The following FHIT variants were observed in gnomAD, a reference collection of about 807,000 sequenced individuals.
The protein encoded by FHIT is bis(5'-adenosyl)-triphosphatase.
A neutral mutation model predicts 17.9 loss-of-function variants in FHIT; 19 were observed. The observed-to-expected ratio is 1.06, with a 90% CI of 0.74 to 1.56. The LOEUF is 1.56. Among genes scored for constraint, FHIT ranks in the 40% most tolerant of loss-of-function variants. The probability of loss-of-function intolerance (pLI) is 0.00; values close to 1 mark genes in which losing one functional copy is unlikely to be tolerated. For synonymous variants in FHIT, 81 were observed against 69.7 expected (o/e 1.16, Z -0.81); for missense variants, 248 against 189.2 (o/e 1.31, Z -1.82).
chr3:60,047,329 CTG>C (rs1187695689), intron 5 of FHIT, among the ~76,000 whole-genome samples: 1 of 152,200 alleles, frequency 6.6e-6, no homozygotes, highest in Non-Finnish European at 1.5e-5. Flanking sequence ...TTTCTTGTGC[CTG>C]TAACTGCTGA....
At chr3:60,444,151 C>G (rs2031144848) in intron 5 of FHIT, among the ~76,000 whole-genome samples, 1 of 152,144 alleles carries the variant, frequency 6.6e-6, no homozygotes, top group African/African-American at 2.4e-5. Context: ...GAGATACCAT[C>G]TCACACCAGT....
intron 8 of FHIT, among the ~76,000 whole-genome samples, chr3:59,866,947 T>C (rs1441137672): frequency 6.6e-6 from 1 of 151,798 alleles, no homozygotes; most frequent in African/African-American, 2.4e-5. Context: ...TGATTACCTA[T>C]TCTCATACAA....
At chr3:60,602,968 G>A (rs2038494122) in intron 4 of FHIT, among the ~76,000 whole-genome samples, 1 of 152,080 alleles carries the variant, frequency 6.6e-6, no homozygotes, top group African/African-American at 2.4e-5. Flanking sequence ...CTCTATAACT[G>A]CAAGAAATAT....
chr3:60,576,949 T>TACAC (rs57891077), intron 4 of FHIT, among the ~76,000 whole-genome samples: 74,613 of 146,606 alleles, frequency 0.51, 20,583 homozygotes, highest in Middle Eastern at 0.64. Context: ...TCCATTTGCA[T>TACAC]ACACACACAC....
chr3:60,926,313 ACT>A (rs529891437), intron 3 of FHIT, among the ~76,000 whole-genome samples: 255 of 152,258 alleles, frequency 1.7e-3, no homozygotes, highest in African/African-American at 5.9e-3. Context: ...GAAGTAAAGC[ACT>A]CCTCAGCAAA....
chr3:60,099,762 G>A (rs1220348306), intron 5 of FHIT, among the ~76,000 whole-genome samples: 1 of 152,108 alleles, frequency 6.6e-6, no homozygotes, highest in Admixed American at 6.5e-5. Context: ...AGTATTAAAT[G>A]CATTTTAACT....
chr3:59,919,220 C>T (rs940415305), intron 8 of FHIT, among the ~76,000 whole-genome samples: 1 of 152,170 alleles, frequency 6.6e-6, no homozygotes, highest in Non-Finnish European at 1.5e-5. Context: ...TAGATATCCT[C>T]TTGAAGAATT....
chr3:60,543,074 T>G (rs1249436696), intron 4 of FHIT, among the ~76,000 whole-genome samples: 2 of 152,182 alleles, frequency 1.3e-5, no homozygotes, highest in Non-Finnish European at 2.9e-5. Flanking sequence ...CCAGACGCTG[T>G]AGAACAAAGG....
chr3:60,305,512 T>A (rs187010567), intron 5 of FHIT, among the ~76,000 whole-genome samples: 1,854 of 152,272 alleles, frequency 0.012, 37 homozygotes, highest in African/African-American at 0.041. Flanking sequence ...TCTCGGCTGT[T>A]GATTCAACCC....
intron 3 of FHIT, among the ~76,000 whole-genome samples, chr3:60,954,879 C>T (rs1188708536): frequency 2.0e-5 from 3 of 152,204 alleles, no homozygotes; most frequent in Non-Finnish European, 4.4e-5. Context: ...AGAGCCCTCA[C>T]TTGGCTCAAA....
At chr3:60,330,417 C>T (rs562015048) in intron 5 of FHIT, among the ~76,000 whole-genome samples, 31 of 152,194 alleles carry the variant, frequency 2.0e-4, no homozygotes, top group Non-Finnish European at 2.8e-4. Flanking sequence ...TTACTGCCAC[C>T]GGTGGAGACA....
At chr3:60,559,219 G>A (rs1400954679) in intron 4 of FHIT, among the ~76,000 whole-genome samples, 1 of 151,930 alleles carries the variant, frequency 6.6e-6, no homozygotes, top group Admixed American at 6.6e-5. Flanking sequence ...AACTGTATGG[G>A]GAATTAATAT....
intron 3 of FHIT, among the ~76,000 whole-genome samples, chr3:60,880,762 C>G (rs1704932350): frequency 6.8e-6 from 1 of 146,104 alleles, no homozygotes; most frequent in South Asian, 2.3e-4. Flanking sequence ...ACAACAACAA[C>G]AAACTCACTA....
intron 2 of FHIT, among the ~76,000 whole-genome samples, chr3:61,188,453 CA>C (rs1040253701): frequency 6.6e-6 from 1 of 151,928 alleles, no homozygotes; most frequent in Admixed American, 6.6e-5. Context: ...GCTTACCAAC[CA>C]AAAAAAGTCC....
At chr3:59,978,821 A>T (rs1050666168) in intron 7 of FHIT, among the ~76,000 whole-genome samples, 2 of 151,708 alleles carry the variant, frequency 1.3e-5, no homozygotes, top group Non-Finnish European at 2.9e-5. Context: ...CCTTAAAAAA[A>T]GGCTAAAACT....
intron 4 of FHIT, among the ~76,000 whole-genome samples, chr3:60,574,089 CG>C (rs1429466836): frequency 6.6e-5 from 10 of 152,184 alleles, no homozygotes; most frequent in Non-Finnish European, 1.3e-4. Context: ...GCATTACAGA[CG>C]GGAGCCACCA....
intron 5 of FHIT, among the ~76,000 whole-genome samples, chr3:60,220,822 C>A (rs1005425633): frequency 2.6e-5 from 4 of 152,204 alleles, no homozygotes; most frequent in Non-Finnish European, 5.9e-5. Flanking sequence ...ACATTCATTT[C>A]TTCACAGCAG....
At chr3:60,225,198 G>GCTGC (rs1266862441) in intron 5 of FHIT, among the ~76,000 whole-genome samples, 1 of 152,130 alleles carries the variant, frequency 6.6e-6, no homozygotes, top group Non-Finnish European at 1.5e-5. Context: ...ATGCCTCTGT[G>GCTGC]GCAGGCCTGA....
chr3:60,271,871 C>T (rs1706882836), intron 5 of FHIT, among the ~76,000 whole-genome samples: 1 of 152,194 alleles, frequency 6.6e-6, no homozygotes, highest in African/African-American at 2.4e-5. Context: ...TTCTGAATTG[C>T]TGACCATAAT....
Sources: allele counts gnomAD v4.1 joint callset (sites outside exome capture counted in the v4.1 genomes callset), GRCh38; gene constraint gnomAD v4.1.1; transcripts MANE v1.5; gene names NCBI Gene and HGNC (gene_info 2026-07-23, HGNC 2026-07-21).